Variants in STIM1 observed in about 807,000 individuals in gnomAD.
STIM1 encodes the protein stromal interaction molecule 1.
In STIM1, 25 loss-of-function variants were observed where a neutral mutation model predicts 74.7. The observed-to-expected ratio is 0.33, with a 90% confidence interval of 0.24 to 0.47. The LOEUF is 0.47. STIM1 is among the 20% of genes least tolerant of loss of function. The pLI, the probability that STIM1 is intolerant of heterozygous loss-of-function variation, is 1.00. For synonymous variants in STIM1, 328 were observed against 348.8 expected (o/e 0.94, Z 0.66); for missense variants, 728 against 920.8 (o/e 0.79, Z 2.71).
rs55981710 is a variant in STIM1 at position 3,937,319 on chromosome 11, A to ATAAGAATAATAATAATAG, written c.140-30233_140-30232insTAAGAATAATAATAATAG. 3.4e-5 allele frequency among the ~76,000 whole-genome samples: 5 copies of ATAAGAATAATAATAATAG among 148,980 alleles called. No individual in the cohort carries two copies. In the South Asian group the frequency reaches 8.5e-4, roughly 25 times the overall value. On this transcript the variant is annotated intron_variant, in intron 1 of 12. Transcript: ENST00000526596. ...AATAATAATAATAATAATAATAATA[A>ATAAGAATAATAATAATAG]AATATCTGGAATGAGTGTGAAATTA... is the stretch of plus-strand genomic sequence containing the variant.
intron 1 of STIM1, among the ~76,000 whole-genome samples, chr11:3,942,916 A>G (rs1235476506): frequency 6.6e-6 from 1 of 152,194 alleles, no homozygotes; most frequent in Non-Finnish European, 1.5e-5. Context: ...GTCTCAAGCT[A>G]ATGCTTAGAG....
At chr11:4,073,773 T>C (rs1336116898) in intron 6 of STIM1, among the ~76,000 whole-genome samples, 2 of 152,136 alleles carry the variant, frequency 1.3e-5, no homozygotes, top group East Asian at 1.9e-4. Context: ...TGAGATCTTA[T>C]CCACTAAGGA....
intron 2 of STIM1, among the ~76,000 whole-genome samples, chr11:3,975,482 G>C (rs772773667): frequency 7.2e-5 from 11 of 152,190 alleles, no homozygotes; most frequent in Admixed American, 2.0e-4. Context: ...AGCTGGTGTG[G>C]TGACACGTGC....
chr11:4,040,909 A>G (rs531383930), intron 3 of STIM1, among the ~76,000 whole-genome samples: 8 of 152,352 alleles, frequency 5.3e-5, no homozygotes, highest in African/African-American at 1.9e-4. Context: ...GGCCTAGGCC[A>G]GATTATTTTT....
chr11:4,024,690 G>C (rs1170967109), intron 3 of STIM1, among the ~76,000 whole-genome samples: 2 of 152,132 alleles, frequency 1.3e-5, no homozygotes, highest in Non-Finnish European at 2.9e-5. Context: ...AGTGCAGTCT[G>C]ATTAGATTCT....
chr11:4,082,396 T>C, intron 8 of STIM1, 45 bp downstream of exon 8: 1 of 1,558,092 alleles, frequency 6.4e-7, no homozygotes. Context: ...TTTTTGCCCT[T>C]CTCCTTTTTA....
intron 1 of STIM1, among the ~76,000 whole-genome samples, chr11:3,893,659 T>C (rs977479152): frequency 6.6e-6 from 1 of 151,994 alleles, no homozygotes; most frequent in African/African-American, 2.4e-5. Flanking sequence ...ACATTTTTTT[T>C]TTTTTTTGAG....
At chr11:4,006,775 T>G (rs1198475986) in intron 2 of STIM1, among the ~76,000 whole-genome samples, 1 of 152,108 alleles carries the variant, frequency 6.6e-6, no homozygotes, top group Non-Finnish European at 1.5e-5. Flanking sequence ...TATTGTGGGC[T>G]GGATGGGGGT....
At chr11:4,048,876 G>A (rs2094214931) in intron 3 of STIM1, among the ~76,000 whole-genome samples, 1 of 152,004 alleles carries the variant, frequency 6.6e-6, no homozygotes, top group South Asian at 2.1e-4. Context: ...TGAGATTATA[G>A]GTGCCCGCCA....
chr11:4,004,845 A>G (rs1018311045), intron 2 of STIM1, among the ~76,000 whole-genome samples: 12 of 152,254 alleles, frequency 7.9e-5, no homozygotes, highest in Non-Finnish European at 1.8e-4. Context: ...CATCTGACAA[A>G]GGGCTAATAT....
chr11:3,895,738 T>TC (rs1266779590), intron 1 of STIM1, among the ~76,000 whole-genome samples: 2 of 31,812 alleles, frequency 6.3e-5, no homozygotes, highest in Non-Finnish European at 1.1e-4. Context: ...TTCTTTCTTT[T>TC]TCTTTCTTCC....
At chr11:4,041,475 A>G (rs2094146786) in intron 3 of STIM1, among the ~76,000 whole-genome samples, 1 of 151,790 alleles carries the variant, frequency 6.6e-6, no homozygotes, top group African/African-American at 2.4e-5. Flanking sequence ...TGATGTGAAA[A>G]CTCTGATTTT....
intron 1 of STIM1, among the ~76,000 whole-genome samples, chr11:3,896,608 T>TA (rs1413972324): frequency 6.6e-6 from 1 of 152,218 alleles, no homozygotes; most frequent in African/African-American, 2.4e-5. Context: ...AATTTGGTGA[T>TA]ACTGCTATGG....
intron 2 of STIM1, among the ~76,000 whole-genome samples, chr11:4,019,751 A>G (rs1045642390): frequency 1.1e-4 from 16 of 152,346 alleles, no homozygotes; most frequent in African/African-American, 3.4e-4. Flanking sequence ...AGGGGGTAAA[A>G]TTAGTATATC....
intron 5 of STIM1, among the ~76,000 whole-genome samples, chr11:4,062,662 C>T (rs1392413893): frequency 2.6e-5 from 4 of 152,098 alleles, no homozygotes; most frequent in Non-Finnish European, 5.9e-5. Context: ...AGGATTTGAA[C>T]ATATTATTTG....
intron 11 of STIM1, among the ~76,000 whole-genome samples, chr11:4,085,593 G>A (rs143973693): frequency 2.0e-5 from 3 of 152,312 alleles, no homozygotes; most frequent in Middle Eastern, 3.4e-3. Context: ...CACCATATTT[G>A]AGCACCTTCT....
chr11:4,090,522 C>T (rs2094517992), intron 12 of STIM1, among the ~76,000 whole-genome samples: 1 of 152,184 alleles, frequency 6.6e-6, no homozygotes, highest in African/African-American at 2.4e-5. Flanking sequence ...GCATCCTGGC[C>T]TTTTGGGGTG....
intron 12 of STIM1, chr11:4,086,956 G>A (rs1216594262): frequency 6.9e-7 from 1 of 1,453,982 alleles, no homozygotes; most frequent in Admixed American, 2.3e-5. Context: ...ATCAACTCTG[G>A]GGGTGTGTGC....
chr11:4,063,119 T>C (rs920135463), intron 5 of STIM1, among the ~76,000 whole-genome samples: 14 of 152,174 alleles, frequency 9.2e-5, no homozygotes, highest in African/African-American at 3.4e-4. Context: ...GTGGGGGCAG[T>C]GGGAAATAGG....
Sources: allele counts gnomAD v4.1 joint callset (sites outside exome capture counted in the v4.1 genomes callset), GRCh38; gene constraint gnomAD v4.1.1; transcripts MANE v1.5; gene names NCBI Gene and HGNC (gene_info 2026-07-23, HGNC 2026-07-21).